WWOX: variants seen among roughly 807,000 people sequenced by gnomAD.
The protein encoded by WWOX is WW domain-containing oxidoreductase.
Under a neutral mutation model 46.2 loss-of-function variants are expected in WWOX, and 69 were observed. The ratio of observed to expected loss-of-function variants is 1.49; its 90% CI spans 1.23 to 1.82. WWOX has a LOEUF of 1.82. Among genes scored for constraint, WWOX ranks in the 40% most tolerant of loss-of-function variants. WWOX has a pLI of 0.00. For missense variants in WWOX, 919 were observed against 542.6 expected (o/e 1.69, Z -6.89); for synonymous variants, 359 against 202.6 (o/e 1.77, Z -6.56).
intron 8 of WWOX, among the ~76,000 whole-genome samples, chr16:78,849,739 A>G (rs531139231): frequency 6.6e-6 from 1 of 152,046 alleles, no homozygotes; most frequent in East Asian, 2.0e-4. Flanking sequence ...GGCGAGGTTT[A>G]TATTGTTCTT....
At chr16:78,958,792 G>A (rs773822482) in intron 8 of WWOX, among the ~76,000 whole-genome samples, 2 of 152,186 alleles carry the variant, frequency 1.3e-5, no homozygotes, top group Non-Finnish European at 2.9e-5. Context: ...TCTGAAAATA[G>A]GACATGGTTG....
At chr16:78,983,190 C>T (rs1490381889) in intron 8 of WWOX, among the ~76,000 whole-genome samples, 1 of 152,138 alleles carries the variant, frequency 6.6e-6, no homozygotes, top group Non-Finnish European at 1.5e-5. Flanking sequence ...ATCAAAGAAT[C>T]AGAAAGAGCT....
chr16:78,801,305 T>G (rs1204183891), intron 8 of WWOX, among the ~76,000 whole-genome samples: 1 of 152,076 alleles, frequency 6.6e-6, no homozygotes, highest in Non-Finnish European at 1.5e-5. Context: ...AGGTTGGGAG[T>G]TTGAGACCAC....
chr16:78,386,795 T>A lies in WWOX; in HGVS notation c.517-65T>A, dbSNP rs2082070325. On this transcript the variant is annotated intron_variant, in intron 5 of 8. Transcript: ENST00000566780. The stretch of plus-strand genomic sequence containing the variant: ...GACATGTTCCATAACACATTTACTG[T>A]AACTTGATACCATGAACTACACTTG... 26 of 1,405,114 alleles carry A rather than the reference T, an allele frequency of 1.9e-5. No homozygotes were observed. In the South Asian group the frequency reaches 2.9e-4, roughly 15 times the overall value. The allele number at this position is 1,405,114 out of a possible 1,614,324, so 87.0% of individuals were successfully genotyped here. A position where few individuals can be genotyped will look rare whatever the true frequency, so the allele number is the denominator to read the frequency against.
At chr16:78,690,837 C>T (rs773849676) in intron 8 of WWOX, among the ~76,000 whole-genome samples, 9 of 152,182 alleles carry the variant, frequency 5.9e-5, no homozygotes, top group Admixed American at 1.3e-4. Flanking sequence ...AGAGCTCCAG[C>T]AGCCTACCCA....
intron 8 of WWOX, among the ~76,000 whole-genome samples, chr16:78,893,310 C>G (rs1398982909): frequency 1.3e-5 from 2 of 152,126 alleles, no homozygotes; most frequent in African/African-American, 4.8e-5. Context: ...AGTCAGGCCT[C>G]GAAAAATACC....
chr16:78,500,235 G>C (rs549659246), intron 8 of WWOX, among the ~76,000 whole-genome samples: 8 of 152,034 alleles, frequency 5.3e-5, no homozygotes, highest in African/African-American at 1.2e-4. Context: ...GGAAAGGTGG[G>C]GCTTTAAAAT....
chr16:79,178,872 T>A (rs2050854816), intron 8 of WWOX, among the ~76,000 whole-genome samples: 1 of 152,230 alleles, frequency 6.6e-6, no homozygotes, highest in Non-Finnish European at 1.5e-5. Context: ...GTACTTCACT[T>A]AAGAAATAAC....
chr16:78,626,334 T>G (rs2046310943), intron 8 of WWOX, among the ~76,000 whole-genome samples: 1 of 152,128 alleles, frequency 6.6e-6, no homozygotes. Flanking sequence ...AATTGTCAGG[T>G]CTCCTTAGCA....
chr16:79,070,916 C>G (rs78329820), intron 8 of WWOX, among the ~76,000 whole-genome samples: 1,655 of 152,284 alleles, frequency 0.011, 29 homozygotes, highest in African/African-American at 0.037. Flanking sequence ...TCACTCAGCA[C>G]AGAACATTTT....
At chr16:78,572,667 T>A in intron 8 of WWOX, among the ~76,000 whole-genome samples, 1 of 145,706 alleles carries the variant, frequency 6.9e-6, no homozygotes, top group Admixed American at 6.8e-5. Flanking sequence ...ATTCAATTTA[T>A]AGAAAGCTTA....
chr16:78,692,036 G>T (rs1204667018), intron 8 of WWOX, among the ~76,000 whole-genome samples: 1 of 152,114 alleles, frequency 6.6e-6, no homozygotes, highest in Non-Finnish European at 1.5e-5. Context: ...AGTGCCTTTT[G>T]CCTACCACCA....
At position 78,456,225 on chromosome 16, in the gene WWOX, G is replaced by T. The variant is rs552882824; in HGVS notation, c.1056+23473G>T. On this transcript the variant is annotated intron_variant, in intron 8 of 8. Transcript: ENST00000566780. The stretch of plus-strand genomic sequence containing the variant: ...TTTATAGCAGCAACACAGTAAGTTG[G>T]GAAGAGGGACACATTTTTAACATAG... Among the ~76,000 whole-genome samples, 334 of 152,276 alleles carry T rather than the reference G, an allele frequency of 2.2e-3. 1 individual carries two copies. The highest frequency in any genetic ancestry group is 7.7e-3 in the African/African-American group (321 of 41,564).
intron 2 of WWOX, among the ~76,000 whole-genome samples, chr16:78,109,246 G>C (rs940372511): frequency 2.0e-5 from 3 of 152,130 alleles, no homozygotes; most frequent in Admixed American, 1.3e-4. Context: ...CAGCCCTTTG[G>C]GAGGCAGAGG....
intron 8 of WWOX, among the ~76,000 whole-genome samples, chr16:79,033,325 C>T (rs1212006289): frequency 1.4e-5 from 2 of 147,570 alleles, no homozygotes; most frequent in South Asian, 4.2e-4. Flanking sequence ...TATAGAGAGT[C>T]TATTATATAT....
At chr16:78,435,121 A>G (rs1226480424) in intron 8 of WWOX, among the ~76,000 whole-genome samples, 1 of 152,064 alleles carries the variant, frequency 6.6e-6, no homozygotes, top group Non-Finnish European at 1.5e-5. Flanking sequence ...CTGTTTTGGG[A>G]GTACGTGTGC....
chr16:79,063,156 T>G (rs2048384380), intron 8 of WWOX, among the ~76,000 whole-genome samples: 1 of 152,216 alleles, frequency 6.6e-6, no homozygotes, highest in Non-Finnish European at 1.5e-5. Flanking sequence ...GAAGGATTCA[T>G]TTCAGTAGAA....
chr16:78,731,157 C>T (rs1030867428), intron 8 of WWOX, among the ~76,000 whole-genome samples: 1 of 152,190 alleles, frequency 6.6e-6, no homozygotes, highest in Admixed American at 6.5e-5. Context: ...CCAAGGAGTT[C>T]TAACTCTTCT....
intron 8 of WWOX, among the ~76,000 whole-genome samples, chr16:78,781,511 T>C (rs935699492): frequency 2.2e-4 from 33 of 152,360 alleles, no homozygotes; most frequent in African/African-American, 7.5e-4. Flanking sequence ...ATAGACATTA[T>C]GACCCTTTAA....
Sources: allele counts gnomAD v4.1 joint callset (sites outside exome capture counted in the v4.1 genomes callset), GRCh38; gene constraint gnomAD v4.1.1; transcripts MANE v1.5; gene names NCBI Gene and HGNC (gene_info 2026-07-23, HGNC 2026-07-21).